RORA: variants seen among roughly 807,000 people sequenced by gnomAD.
The protein encoded by RORA is RAR related orphan receptor A, also known as nuclear receptor ROR-alpha.
Under a neutral mutation model 69.5 loss-of-function variants are expected in RORA, and 7 were observed. The ratio of observed to expected loss-of-function variants is 0.10; its 90% CI spans 0.06 to 0.19. The LOEUF is 0.19. Among genes scored for constraint, RORA ranks in the 10% least tolerant of loss-of-function variants. RORA has a pLI of 1.00. For missense variants in RORA, 457 were observed against 663.0 expected (o/e 0.69, Z 3.41); for synonymous variants, 261 against 240.8 (o/e 1.08, Z -0.78).
chr15:60,754,422 T>C (rs1458166268), intron 1 of RORA, among the ~76,000 whole-genome samples: 1 of 152,230 alleles, frequency 6.6e-6, no homozygotes, highest in African/African-American at 2.4e-5. Flanking sequence ...CTCTTGCTAA[T>C]TCCAGCTGTA....
chr15:60,801,133 C>A (rs1019446570), intron 1 of RORA, among the ~76,000 whole-genome samples: 9 of 152,176 alleles, frequency 5.9e-5, no homozygotes, highest in African/African-American at 1.9e-4. Flanking sequence ...TTAGGAACAG[C>A]CCTTACTTGG....
chr15:60,689,485 T>A (rs982425031), intron 1 of RORA, among the ~76,000 whole-genome samples: 3 of 152,294 alleles, frequency 2.0e-5, no homozygotes, highest in South Asian at 2.1e-4. Context: ...TGTCTTTTTT[T>A]AAATTTTAGT....
At chr15:60,952,272 G>A (rs1405546236) in intron 1 of RORA, among the ~76,000 whole-genome samples, 1 of 152,034 alleles carries the variant, frequency 6.6e-6, no homozygotes, top group Non-Finnish European at 1.5e-5. Flanking sequence ...AATAAATTAG[G>A]TATTGATGGG....
intron 1 of RORA, among the ~76,000 whole-genome samples, chr15:60,858,838 A>T (rs1443034180): frequency 6.6e-6 from 1 of 152,168 alleles, no homozygotes; most frequent in Non-Finnish European, 1.5e-5. Flanking sequence ...CTGGCTTACA[A>T]TACCCTCAGC....
chr15:60,819,767 A>ACACACACACACACACACACACG (rs2072867608), intron 1 of RORA, among the ~76,000 whole-genome samples: 1 of 147,532 alleles, frequency 6.8e-6, no homozygotes, highest in Admixed American at 6.9e-5. Context: ...ACACACACAC[A>ACACACACACACACACACACACG]CACACACACA....
At chr15:61,040,638 G>A (rs1896716264) in intron 1 of RORA, among the ~76,000 whole-genome samples, 1 of 151,954 alleles carries the variant, frequency 6.6e-6, no homozygotes, top group Non-Finnish European at 1.5e-5. Context: ...GACAAATACA[G>A]TTCTTTTTTT....
chr15:60,842,253 C>T (rs1053109499), intron 1 of RORA, among the ~76,000 whole-genome samples: 11 of 152,088 alleles, frequency 7.2e-5, no homozygotes, highest in Non-Finnish European at 1.5e-4. Flanking sequence ...GTGAAGATTT[C>T]CCCAAACAGC....
At position 60,764,482 on chromosome 15, in the gene RORA, G is replaced by GT. The variant is rs370924456; in HGVS notation, c.167-85797dup. 1.3e-3 allele frequency among the ~76,000 whole-genome samples: 187 copies of GT among 149,188 alleles called. 1 individual carries two copies. The Middle Eastern group carries it at 0.014, about 11-fold the overall frequency. On this transcript the variant is annotated intron_variant, in intron 1 of 10. Coordinates refer to ENST00000335670, the MANE Select transcript of RORA (RefSeq NM_134261.3). ...AAAACTTTTTTCATGTTTGGAGTGA[G>GT]TTTTTTTTTTATCTCTGGCAACAAA...
intron 1 of RORA, among the ~76,000 whole-genome samples, chr15:61,106,063 C>G (rs1334258465): frequency 6.6e-6 from 1 of 152,194 alleles, no homozygotes; most frequent in African/African-American, 2.4e-5. Flanking sequence ...GGTAGGTCTG[C>G]TCTTCCTGGT....
intron 1 of RORA, among the ~76,000 whole-genome samples, chr15:60,871,958 C>T (rs1220804342): frequency 6.6e-6 from 1 of 152,198 alleles, no homozygotes; most frequent in Non-Finnish European, 1.5e-5. Flanking sequence ...AAAAGGTATG[C>T]AGAAACTCTC....
At chr15:61,091,518 C>T (rs1419179318) in intron 1 of RORA, among the ~76,000 whole-genome samples, 1 of 152,194 alleles carries the variant, frequency 6.6e-6, no homozygotes, top group African/African-American at 2.4e-5. Context: ...TTCCCAGGGG[C>T]AATCCTCAGC....
chr15:60,562,538 C>T (rs181493878), intron 2 of RORA, among the ~76,000 whole-genome samples: 1 of 151,820 alleles, frequency 6.6e-6, no homozygotes, highest in Non-Finnish European at 1.5e-5. Flanking sequence ...CGGGTTCAGG[C>T]GATTCTCCTG....
chr15:60,774,577 G>A (rs2072132203), intron 1 of RORA, among the ~76,000 whole-genome samples: 1 of 152,196 alleles, frequency 6.6e-6, no homozygotes, highest in African/African-American at 2.4e-5. Context: ...TACTGCCCTG[G>A]GCGGCTACCA....
chr15:60,572,163 CA>C (rs1245414441), intron 2 of RORA, among the ~76,000 whole-genome samples: 1 of 152,178 alleles, frequency 6.6e-6, no homozygotes, highest in Non-Finnish European at 1.5e-5. Context: ...AATTACATAG[CA>C]AAGTTGAGTA....
intron 1 of RORA, among the ~76,000 whole-genome samples, chr15:61,151,925 C>T (rs910811689): frequency 1.3e-5 from 2 of 152,248 alleles, no homozygotes; most frequent in South Asian, 2.1e-4. Context: ...TCTTGCCACT[C>T]GCCAGGCCCA....
At chr15:60,791,665 G>A (rs2072419530) in intron 1 of RORA, among the ~76,000 whole-genome samples, 1 of 152,190 alleles carries the variant, frequency 6.6e-6, no homozygotes, top group African/African-American at 2.4e-5. Context: ...ATCCTCGGCT[G>A]GCTGCAAAAA....
At chr15:60,966,495 AG>A (rs1423965510) in intron 1 of RORA, among the ~76,000 whole-genome samples, 6 of 152,336 alleles carry the variant, frequency 3.9e-5, no homozygotes, top group African/African-American at 1.4e-4. Flanking sequence ...GTAAGCTCCA[AG>A]AAAGAAGGGA....
intron 1 of RORA, among the ~76,000 whole-genome samples, chr15:61,044,715 C>T (rs909584411): frequency 1.1e-4 from 16 of 152,146 alleles, no homozygotes; most frequent in African/African-American, 3.9e-4. Flanking sequence ...CTGTTCTAGA[C>T]ACTCATCAGG....
intron 1 of RORA, 33 bp from the exon 2 acceptor site, chr15:60,678,719 A>G (rs753193485): frequency 1.3e-6 from 2 of 1,594,996 alleles, no homozygotes; most frequent in Non-Finnish European, 1.7e-6. Flanking sequence ...ATAGGTTAGA[A>G]AGTGCCCTGT....
Sources: allele counts gnomAD v4.1 joint callset (sites outside exome capture counted in the v4.1 genomes callset), GRCh38; gene constraint gnomAD v4.1.1; transcripts MANE v1.5; gene names NCBI Gene and HGNC (gene_info 2026-07-23, HGNC 2026-07-21).